Variants in ABCB11 observed in about 807,000 individuals in gnomAD.
ABCB11 encodes the protein bile salt export pump.
A neutral mutation model predicts 148.0 loss-of-function variants in ABCB11; 95 were observed. The observed-to-expected ratio is 0.64, with a 90% confidence interval of 0.54 to 0.76. The LOEUF (loss-of-function observed/expected upper bound fraction) is 0.76. Ranked by LOEUF, ABCB11 falls within the 30% of genes least tolerant of loss-of-function variation. The pLI, the probability that ABCB11 is intolerant of heterozygous loss-of-function variation, is 0.00. For synonymous variants in ABCB11, 591 were observed against 555.4 expected (o/e 1.06, Z -0.90); for missense variants, 1,523 against 1,617.8 (o/e 0.94, Z 1.01).
intron 1 of ABCB11, among the ~76,000 whole-genome samples, chr2:169,024,460 T>A (rs1330142857): frequency 1.4e-5 from 2 of 147,036 alleles, no homozygotes; most frequent in Non-Finnish European, 3.0e-5. Flanking sequence ...ATAGAAAAAT[T>A]GTGAAGATGG....
At chr2:168,948,612 A>G (rs1339823369) in intron 19 of ABCB11, among the ~76,000 whole-genome samples, 2 of 151,742 alleles carry the variant, frequency 1.3e-5, no homozygotes, top group East Asian at 1.9e-4. Flanking sequence ...AAGACAATCA[A>G]TACAGATCTG....
At chr2:168,957,138 G>T (rs1264999519) in intron 19 of ABCB11, among the ~76,000 whole-genome samples, 2 of 151,556 alleles carry the variant, frequency 1.3e-5, no homozygotes, top group African/African-American at 2.4e-5. Flanking sequence ...CTGTTTCCAT[G>T]ATCAAATTTT....
In ABCB11 at chr2:168,993,774, T is replaced by C. The variant is rs1288108327; in HGVS notation, c.720A>G (p.Lys240=). The change falls in exon 8 of 28, where the codon AAA becomes AAG. Residue 240 remains lysine (K), a synonymous_variant. Transcript: ENST00000650372. The part of the protein sequence containing the change: ...GFLLGFFRGW[K]LTLVIISVSP... ...TGACAGAAATAATAACCAAGGTCAG[T>C]TTCCAACCCCTGAAAAATCCCAACA... The C allele has an allele frequency of 6.2e-7, 1 of 1,610,788 alleles. No homozygotes were observed. The highest frequency in any genetic ancestry group is 8.5e-7 in the Non-Finnish European group (1 of 1,178,406).
At chr2:169,010,685 T>G (rs756455414) in intron 5 of ABCB11, among the ~76,000 whole-genome samples, 4 of 152,202 alleles carry the variant, frequency 2.6e-5, no homozygotes, top group Non-Finnish European at 4.4e-5. Flanking sequence ...AAATGTCCTC[T>G]CTTTTCTCCT....
chr2:168,936,372 A>T lies in ABCB11; in HGVS notation c.2672T>A (p.Ile891Asn), dbSNP rs755093559. The change falls in exon 22 of 28, where the codon ATC (isoleucine) becomes AAC (asparagine). Residue 891 changes from isoleucine (I) to asparagine (N), a missense_variant. Transcript: ENST00000650372. ...NSFTNVTVAM[I>N]IAFSFSWKLS... ...CTTCCAGCTAAAGGAGAAGGCAATGATCATGGCCACAGTGACGTTAGTGAA... is the reference window on the plus strand; with the variant it reads ...CTTCCAGCTAAAGGAGAAGGCAATGTTCATGGCCACAGTGACGTTAGTGAA... 5.6e-6 allele frequency: 9 copies of T among 1,613,832 alleles called. No individual in the cohort carries two copies. In the Admixed American group the frequency reaches 1.0e-4, roughly 18 times the overall value.
chr2:168,959,942 A>T (rs1692987898), intron 18 of ABCB11, among the ~76,000 whole-genome samples: 1 of 150,780 alleles, frequency 6.6e-6, no homozygotes, highest in Admixed American at 6.6e-5. Flanking sequence ...TCCAAAAAAA[A>T]AAAAAAAAAA....
chr2:168,946,928 A>G (rs1283947685), intron 19 of ABCB11, among the ~76,000 whole-genome samples: 4 of 151,786 alleles, frequency 2.6e-5, no homozygotes, highest in African/African-American at 4.8e-5. Flanking sequence ...CAACTGTCCA[A>G]TTCAAGGTTG....
chr2:168,960,686 C>A (rs1693034484), intron 18 of ABCB11, among the ~76,000 whole-genome samples: 1 of 151,560 alleles, frequency 6.6e-6, no homozygotes, highest in Non-Finnish European at 1.5e-5. Context: ...AACTGTCCAG[C>A]TTGAATGATG....
chr2:168,971,521 A>C (rs1367900833), intron 14 of ABCB11, among the ~76,000 whole-genome samples: 2 of 152,062 alleles, frequency 1.3e-5, no homozygotes. Context: ...GCTTAGACAA[A>C]TGCTTAATAA....
At chr2:168,947,036 C>T (rs1692354728) in intron 19 of ABCB11, among the ~76,000 whole-genome samples, 1 of 151,904 alleles carries the variant, frequency 6.6e-6, no homozygotes, top group South Asian at 2.1e-4. Context: ...GCTATCCATC[C>T]ATAGATTCCT....
At chr2:168,978,876 T>C (rs1694029081) in intron 11 of ABCB11, among the ~76,000 whole-genome samples, 2 of 152,152 alleles carry the variant, frequency 1.3e-5, no homozygotes, top group South Asian at 2.1e-4. Flanking sequence ...CATGCCATCT[T>C]GACTGGCTAA....
At chr2:168,939,410 G>A (rs1691968230) in intron 21 of ABCB11, among the ~76,000 whole-genome samples, 1 of 152,050 alleles carries the variant, frequency 6.6e-6, no homozygotes, top group Non-Finnish European at 1.5e-5. Flanking sequence ...GTATGAAAGT[G>A]TCAGTTATTC....
chr2:168,950,022 C>T (rs941956253), intron 19 of ABCB11, among the ~76,000 whole-genome samples: 1 of 151,178 alleles, frequency 6.6e-6, no homozygotes, highest in African/African-American at 2.4e-5. Flanking sequence ...GCCTTCCTTG[C>T]CCCTCAAGCT....
At chr2:168,967,797 C>T (rs1268855239) in intron 17 of ABCB11, among the ~76,000 whole-genome samples, 1 of 151,906 alleles carries the variant, frequency 6.6e-6, no homozygotes, top group Non-Finnish European at 1.5e-5. Flanking sequence ...TATTGAAACT[C>T]TTAAACCAGG....
At chr2:169,017,007 C>CAG (rs1695381089) in intron 2 of ABCB11, among the ~76,000 whole-genome samples, 1 of 151,518 alleles carries the variant, frequency 6.6e-6, no homozygotes, top group Non-Finnish European at 1.5e-5. Flanking sequence ...CACACACACA[C>CAG]ACACACACAC....
At chr2:168,960,998 T>C (rs755048334) in intron 18 of ABCB11, among the ~76,000 whole-genome samples, 11 of 151,700 alleles carry the variant, frequency 7.3e-5, no homozygotes, top group African/African-American at 1.5e-4. Flanking sequence ...AAGAAATGCC[T>C]GTCAGCAGCT....
At position 168,990,879 on chromosome 2, in the gene ABCB11, G is replaced by A. The variant is rs1558912790; in HGVS notation, c.830C>T (p.Ala277Val). ...AATGACTTCATCAGCCACCACCCCT[G>A]CTTTGGCATAGGCCTTCAGCTCATA... The part of the protein sequence containing the change: ...TDYELKAYAK[A>V]GVVADEVISS... Residue 277 changes from alanine (A) to valine (V), a missense_variant, in exon 9 of 28, where the codon GCA becomes GTA. By Grantham distance (64) the Ala-to-Val change is moderately conservative. Coordinates refer to ENST00000650372, the MANE Select transcript of ABCB11 (RefSeq NM_003742.4). 2.5e-6 allele frequency: 4 copies of A among 1,613,028 alleles called. No individual in the cohort carries two copies. The highest frequency in any genetic ancestry group is 3.4e-6 in the Non-Finnish European group (4 of 1,179,392).
intron 5 of ABCB11, among the ~76,000 whole-genome samples, chr2:169,004,070 C>T (rs1212274757): frequency 1.3e-5 from 2 of 152,256 alleles, no homozygotes; most frequent in African/African-American, 4.8e-5. Context: ...GCTTTTGCCT[C>T]ACAGCTCTTA....
rs1042534419 is a variant in ABCB11, at chr2:168,983,649, A to G, written c.1083+2461T>C. On this transcript the variant is annotated intron_variant, in intron 10 of 27. Transcript: ENST00000650372. Reference sequence around the variant, plus strand: ...AATGAAATAAAGTCCGTGGTTTGGAATGATTATGGTTTGACCTCTGATAAT... The same window carrying G: ...AATGAAATAAAGTCCGTGGTTTGGAGTGATTATGGTTTGACCTCTGATAAT... Among the ~76,000 whole-genome samples, 5 of 152,156 alleles carry G rather than the reference A, an allele frequency of 3.3e-5. No individual in the cohort carries two copies. The South Asian group carries it at 8.3e-4, about 25-fold the overall frequency.
Sources: allele counts gnomAD v4.1 joint callset (sites outside exome capture counted in the v4.1 genomes callset), GRCh38; gene constraint gnomAD v4.1.1; transcripts MANE v1.5; gene names NCBI Gene and HGNC (gene_info 2026-07-23, HGNC 2026-07-21).